The following GOLGB1 variants were observed in gnomAD, a reference collection of about 807,000 sequenced individuals.
The protein encoded by GOLGB1 is golgin subfamily B member 1.
GOLGB1 carries 174 observed loss-of-function variants against 336.9 expected under a neutral mutation model. The observed-to-expected ratio is 0.52, with a 90% CI of 0.46 to 0.59. The LOEUF is 0.59. GOLGB1 is among the 20% of genes least tolerant of loss of function. The probability of loss-of-function intolerance (pLI) is 0.00; values close to 1 mark genes in which losing one functional copy is unlikely to be tolerated. For missense variants in GOLGB1, 3,331 were observed against 3,645.3 expected (o/e 0.91, Z 2.22); for synonymous variants, 1,208 against 1,289.2 (o/e 0.94, Z 1.35).
In GOLGB1 at chr3:121,677,377, C is replaced by T; in HGVS notation, c.8947G>A (p.Asp2983Asn). The T allele has an allele frequency of 6.2e-7, 1 of 1,605,298 alleles. No individual in the cohort carries two copies. Among genetic ancestry groups the T allele is most frequent in the Non-Finnish European group, 8.5e-7 (1 of 1,172,052 alleles). ...EQYLMAISDK[D>N]QQLSHLQNLI... ...TTCTGCAGATGACTGAGCTGCTGAT[C>T]TTTATCTGAGATAGCCATAAGGTAC... Residue 2983 changes from aspartate (D) to asparagine (N), a missense_variant, in exon 16 of 22, where the codon GAT (aspartate) becomes AAT (asparagine). Transcript: ENST00000614479.
At chr3:121,675,500 G>A (rs1940248512) in intron 17 of GOLGB1, among the ~76,000 whole-genome samples, 1 of 151,986 alleles carries the variant, frequency 6.6e-6, no homozygotes, top group South Asian at 2.1e-4. Flanking sequence ...CATGAGAGTG[G>A]AAAAATGACA....
intron 13 of GOLGB1, among the ~76,000 whole-genome samples, chr3:121,693,510 C>T (rs938845642): frequency 2.0e-5 from 3 of 152,068 alleles, no homozygotes; most frequent in African/African-American, 4.8e-5. Flanking sequence ...AACAGAAGTA[C>T]AGAAATCTCT....
Position 121,692,343 on chromosome 3 carries a change from C to G in GOLGB1, c.7021G>C (p.Gly2341Arg), listed in dbSNP as rs896252301. The G allele has an allele frequency of 6.2e-7, 1 of 1,605,318 alleles. No individual in the cohort carries two copies. Among genetic ancestry groups the G allele is most frequent in the Non-Finnish European group, 8.5e-7 (1 of 1,177,788 alleles). ...TGCCTTATGATCCCTTCCAAGTTTC[C>G]TTTTTGTTCCTTACATTTTTCTAAA... ...NSLEKCKEQKGNLEGIIRQQE... is the reference protein window; with the variant it reads ...NSLEKCKEQKRNLEGIIRQQE... Residue 2341 changes from glycine to arginine, a missense_variant, in exon 14 of 22, where the codon GGA becomes CGA. By Grantham distance (125) the Gly-to-Arg change is moderately radical. Transcript: ENST00000614479.
chr3:121,685,636 C>T (rs4048699), intron 14 of GOLGB1, among the ~76,000 whole-genome samples: 30,176 of 151,958 alleles, frequency 0.2, 3,652 homozygotes, highest in East Asian at 0.46. Flanking sequence ...GAGCTAAACC[C>T]TGTTAGTGTA....
chr3:121,683,662 T>C (rs1941361497), intron 14 of GOLGB1, among the ~76,000 whole-genome samples: 1 of 152,050 alleles, frequency 6.6e-6, no homozygotes, highest in Admixed American at 6.6e-5. Flanking sequence ...GAAAACCAAC[T>C]AGAGAAGGTA....
intron 15 of GOLGB1, among the ~76,000 whole-genome samples, chr3:121,678,836 G>A (rs989444338): frequency 2.0e-5 from 3 of 152,114 alleles, no homozygotes; most frequent in Admixed American, 6.5e-5. Context: ...ACAGGTGTGA[G>A]CCACCGCACC....
intron 1 of GOLGB1, chr3:121,749,270 G>C (rs1379491027): frequency 6.6e-6 from 1 of 152,400 alleles, no homozygotes; most frequent in South Asian, 2.1e-4. Flanking sequence ...GCGTACGGAG[G>C]CCGACTTAGG....
intron 3 of GOLGB1, 65 bp downstream of exon 3, chr3:121,729,800 A>C (rs1033454988): frequency 3.4e-6 from 4 of 1,188,602 alleles, no homozygotes; most frequent in Non-Finnish European, 4.9e-6. Context: ...ACAAAAATTA[A>C]AGTGAGTAGT....
chr3:121,705,750 G>A (rs1943759420), intron 10 of GOLGB1, among the ~76,000 whole-genome samples: 1 of 152,200 alleles, frequency 6.6e-6, no homozygotes, highest in Non-Finnish European at 1.5e-5. Context: ...AGCATCCAAG[G>A]CTATCTGAAC....
intron 8 of GOLGB1, among the ~76,000 whole-genome samples, chr3:121,717,508 A>T (rs575193377): frequency 6.8e-4 from 104 of 152,340 alleles, no homozygotes; most frequent in Non-Finnish European, 8.4e-4. Flanking sequence ...AGGAAGAATT[A>T]ACATACTAGA....
chr3:121,691,823 T>C lies in GOLGB1; in HGVS notation c.7541A>G (p.Lys2514Arg). Residue 2514 changes from lysine (K) to arginine (R), a missense_variant, in exon 14 of 22, where the codon AAA becomes AGA. Coordinates refer to ENST00000614479, the MANE Select transcript of GOLGB1 (RefSeq NM_001366282.2). ...QEAAAENNKLKEEIRGLRSHM... is the reference protein window; with the variant it reads ...QEAAAENNKLREEIRGLRSHM... ...ACTTCTCAAGCCTCGTATTTCTTCTTTAAGCTTATTATTCTCTGCAGCAGC... is the reference window on the plus strand; with the variant it reads ...ACTTCTCAAGCCTCGTATTTCTTCTCTAAGCTTATTATTCTCTGCAGCAGC... The C allele has an allele frequency of 6.2e-7, 1 of 1,613,470 alleles. No individual in the cohort carries two copies. The highest frequency in any genetic ancestry group is 1.1e-5 in the South Asian group (1 of 90,906).
At chr3:121,742,335 T>C (rs1946927647) in intron 1 of GOLGB1, among the ~76,000 whole-genome samples, 1 of 152,176 alleles carries the variant, frequency 6.6e-6, no homozygotes, top group African/African-American at 2.4e-5. Flanking sequence ...CATCTAATCT[T>C]TGACAAACCT....
At chr3:121,747,150 T>TTATTTATA (rs1947347910) in intron 1 of GOLGB1, among the ~76,000 whole-genome samples, 1 of 49,570 alleles carries the variant, frequency 2.0e-5, no homozygotes, top group African/African-American at 9.1e-5. Flanking sequence ...TACATGGATG[T>TTATTTATA]TATATATATA....
At chr3:121,688,123 T>C (rs1941950078) in intron 14 of GOLGB1, among the ~76,000 whole-genome samples, 1 of 152,144 alleles carries the variant, frequency 6.6e-6, no homozygotes, top group Admixed American at 6.5e-5. Flanking sequence ...TAATAATCTT[T>C]TCACTAGAGC....
chr3:121,698,302 T>C lies in GOLGB1; in HGVS notation c.2221A>G (p.Ser741Gly). ...EEFKKNADNNSSAFTALSEER... is the reference protein window; with the variant it reads ...EEFKKNADNNGSAFTALSEER... ...TCAGACAAAGCAGTGAATGCACTGC[T>C]GTTGTTGTCAGCATTTTTCTTAAAC... The change falls in exon 13 of 22, where the codon AGC (serine) becomes GGC (glycine). Residue 741 changes from serine (S) to glycine (G), a missense_variant. Physicochemically the swap from Ser to Gly is moderately conservative, Grantham distance 56 (BLOSUM62 0). Transcript: ENST00000614479. The C allele has an allele frequency of 6.2e-7, 1 of 1,614,030 alleles. No individual in the cohort carries two copies. Among genetic ancestry groups the C allele is most frequent in the Non-Finnish European group, 8.5e-7 (1 of 1,179,916 alleles).
intron 17 of GOLGB1, among the ~76,000 whole-genome samples, chr3:121,670,655 T>C (rs1939379910): frequency 6.7e-6 from 1 of 149,614 alleles, no homozygotes; most frequent in Non-Finnish European, 1.5e-5. Context: ...AGGACTCAAG[T>C]GTGGTTCTTG....
chr3:121,723,974 C>T (rs886601757), intron 5 of GOLGB1, among the ~76,000 whole-genome samples: 6 of 152,176 alleles, frequency 3.9e-5, no homozygotes, highest in African/African-American at 1.4e-4. Context: ...GATGCAGCCT[C>T]TCACCCTTGG....
intron 10 of GOLGB1, among the ~76,000 whole-genome samples, chr3:121,706,792 C>CAGTAGAGTAA (rs1943894820): frequency 1.8e-5 from 2 of 110,814 alleles, no homozygotes; most frequent in African/African-American, 7.0e-5. Flanking sequence ...AGAAAGAAGA[C>CAGTAGAGTAA]AGTAGAGTAA....
At chr3:121,681,959 A>G (rs544821606) in intron 14 of GOLGB1, 94 bp from the exon 15 acceptor site, 48 of 776,776 alleles carry the variant, frequency 6.2e-5, no homozygotes, top group Non-Finnish European at 9.4e-5. Context: ...GTCAGACACC[A>G]CAACATGAAA....
Sources: gnomAD v4.1 joint callset for allele counts (sites outside exome capture counted in the v4.1 genomes callset) on GRCh38, gnomAD v4.1.1 for gene constraint, MANE v1.5 for transcripts, NCBI Gene and HGNC (gene_info 2026-07-23, HGNC 2026-07-21) for gene names.